The following PCDHA11 variants were observed in gnomAD, a reference collection of about 807,000 sequenced individuals.
PCDHA11 encodes protocadherin alpha 11.
A neutral mutation model predicts 70.3 loss-of-function variants in PCDHA11; 61 were observed. The observed-to-expected ratio is 0.87, with a 90% CI of 0.71 to 1.07. PCDHA11 has a LOEUF of 1.07. Ranked by LOEUF, PCDHA11 falls within the 50% of genes least tolerant of loss-of-function variation. The probability of loss-of-function intolerance (pLI) is 0.00; values close to 1 mark genes in which losing one functional copy is unlikely to be tolerated. For missense variants in PCDHA11, 1,324 were observed against 1,237.5 expected (o/e 1.07, Z -1.05); for synonymous variants, 633 against 555.1 (o/e 1.14, Z -1.97).
intron 1 of PCDHA11, among the ~76,000 whole-genome samples, chr5:140,924,973 GCTCATGT>G (rs1447379119): frequency 2.0e-5 from 3 of 151,826 alleles, no homozygotes; most frequent in African/African-American, 7.2e-5. Flanking sequence ...GAGTGCAGTG[GCTCATGT>G]CTGTAATCCT....
intron 1 of PCDHA11, among the ~76,000 whole-genome samples, chr5:140,918,826 C>T (rs200767772): frequency 2.0e-5 from 3 of 149,724 alleles, no homozygotes; most frequent in African/African-American, 7.4e-5. Flanking sequence ...AAGTGGCCCC[C>T]TCCCCAGACA....
chr5:140,985,018 A>G (rs1384418667), intron 3 of PCDHA11, among the ~76,000 whole-genome samples: 2 of 152,026 alleles, frequency 1.3e-5, no homozygotes, highest in Non-Finnish European at 2.9e-5. Flanking sequence ...GCTCACAGCA[A>G]CCTCTGCCTC....
intron 1 of PCDHA11, among the ~76,000 whole-genome samples, chr5:140,977,937 T>C (rs1264352481): frequency 5.3e-5 from 8 of 152,162 alleles, no homozygotes; most frequent in African/African-American, 1.9e-4. Flanking sequence ...TATACCTCAA[T>C]ATTCAGTGAC....
chr5:140,870,532 T>A lies in PCDHA11; in HGVS notation c.1429T>A (p.Ser477Thr). Residue 477 changes from serine to threonine, a missense_variant, in exon 1 of 4, where the codon TCG (serine) becomes ACG (threonine). Transcript: ENST00000398640. ...NPPGCHIFTV[S>T]ARDADAQENA... ...ACCAGGCTGCCACATCTTCACAGTG[T>A]CGGCGCGGGACGCGGACGCGCAGGA... The A allele has an allele frequency of 1.2e-6, 2 of 1,614,184 alleles. No individual in the cohort carries two copies. Among genetic ancestry groups the A allele is most frequent in the Non-Finnish European group, 1.7e-6 (2 of 1,180,036 alleles).
chr5:140,936,077 G>A (rs2090754379), intron 1 of PCDHA11, among the ~76,000 whole-genome samples: 1 of 151,980 alleles, frequency 6.6e-6, no homozygotes, highest in South Asian at 2.1e-4. Flanking sequence ...ACTTTTAGTA[G>A]AGACAGGGTT....
chr5:140,948,645 C>T (rs1468901970), intron 1 of PCDHA11, among the ~76,000 whole-genome samples: 1 of 151,562 alleles, frequency 6.6e-6, no homozygotes. Flanking sequence ...CATCTTTTAA[C>T]GTCTGTATAA....
intron 1 of PCDHA11, among the ~76,000 whole-genome samples, chr5:140,973,261 C>G (rs1162687249): frequency 6.6e-6 from 1 of 152,156 alleles, no homozygotes; most frequent in African/African-American, 2.4e-5. Flanking sequence ...TCAGTGGCAC[C>G]TACTTTTATT....
chr5:140,951,779 CA>C (rs1402940575), intron 1 of PCDHA11, among the ~76,000 whole-genome samples: 1 of 152,142 alleles, frequency 6.6e-6, no homozygotes, highest in East Asian at 1.9e-4. Flanking sequence ...TCTTACATTG[CA>C]AAATACAATT....
At chr5:140,955,847 T>C (rs2095231839) in intron 1 of PCDHA11, among the ~76,000 whole-genome samples, 2 of 152,216 alleles carry the variant, frequency 1.3e-5, no homozygotes, top group Non-Finnish European at 2.9e-5. Context: ...TCATTCTCCT[T>C]GAAGAGGTCC....
intron 1 of PCDHA11, chr5:140,929,431 C>T (rs155360): frequency 0.52 from 779,088 of 1,485,262 alleles, 207,160 homozygotes; most frequent in African/African-American, 0.75. Context: ...ATCAATTGAA[C>T]TAAACACTCC....
chr5:140,887,047 C>G (rs530605993), intron 1 of PCDHA11, among the ~76,000 whole-genome samples: 1 of 151,882 alleles, frequency 6.6e-6, no homozygotes, highest in African/African-American at 2.4e-5. Flanking sequence ...TTTTATAGTG[C>G]ATATGTTCTG....
chr5:140,899,249 G>A (rs1256693010), intron 1 of PCDHA11, among the ~76,000 whole-genome samples: 9 of 152,122 alleles, frequency 5.9e-5, no homozygotes, highest in African/African-American at 2.2e-4. Context: ...TGGTGAGAGA[G>A]GGCATCCCTG....
chr5:140,953,267 C>G (rs902465304), intron 1 of PCDHA11, among the ~76,000 whole-genome samples: 4 of 152,068 alleles, frequency 2.6e-5, no homozygotes, highest in African/African-American at 4.8e-5. Flanking sequence ...TTAGCTTTAG[C>G]CTTTGCTCTT....
At chr5:140,911,051 G>C (rs566300992) in intron 1 of PCDHA11, among the ~76,000 whole-genome samples, 1 of 152,100 alleles carries the variant, frequency 6.6e-6, no homozygotes, top group East Asian at 1.9e-4. Flanking sequence ...CAGGGGTGGT[G>C]GGGGGTGGGT....
intron 1 of PCDHA11, among the ~76,000 whole-genome samples, chr5:140,904,227 C>T (rs1373458999): frequency 5.9e-5 from 9 of 151,978 alleles, no homozygotes; most frequent in African/African-American, 2.2e-4. Context: ...TTGTATTATA[C>T]TTATGCCTTT....
At chr5:140,872,910 T>C (rs2053978401) in intron 1 of PCDHA11, among the ~76,000 whole-genome samples, 2 of 152,232 alleles carry the variant, frequency 1.3e-5, no homozygotes, top group African/African-American at 4.8e-5. Context: ...CTCTATCTTG[T>C]AATGCCTTAT....
intron 3 of PCDHA11, among the ~76,000 whole-genome samples, chr5:140,997,797 C>T (rs2097786104): frequency 6.6e-6 from 1 of 151,944 alleles, no homozygotes; most frequent in Non-Finnish European, 1.5e-5. Context: ...TATAATTTAT[C>T]CAATTTGCTG....
rs1562723002 is a variant in PCDHA11, at chr5:140,876,958, G to C, written c.2391+5464G>C. 3 of 1,613,288 alleles carry C rather than the reference G, an allele frequency of 1.9e-6. No individual in the cohort carries two copies. The East Asian group carries it at 6.7e-5, about 36-fold the overall frequency. On this transcript the variant is annotated intron_variant, in intron 1 of 3. Transcript: ENST00000398640. ...CGCGCTGGTGTCCTACTCGCTGGTG[G>C]AGCGGCGGGTGGGCGAGCACGCACT...
intron 1 of PCDHA11, among the ~76,000 whole-genome samples, chr5:140,878,501 C>T (rs186968165): frequency 5.9e-5 from 9 of 152,226 alleles, no homozygotes; most frequent in Admixed American, 2.0e-4. Flanking sequence ...ACCATCTGTA[C>T]GATACAGTAC....
Sources: allele counts gnomAD v4.1 joint callset (sites outside exome capture counted in the v4.1 genomes callset), GRCh38; gene constraint gnomAD v4.1.1; transcripts MANE v1.5; gene names NCBI Gene and HGNC (gene_info 2026-07-23, HGNC 2026-07-21).